Variants in HS3ST5 observed in about 807,000 individuals in gnomAD.
HS3ST5 encodes the protein heparan sulfate glucosamine 3-O-sulfotransferase 5.
HS3ST5 carries 10 observed loss-of-function variants against 25.4 expected under a neutral mutation model. That is an observed-to-expected ratio of 0.39 (90% confidence interval 0.24 to 0.67). The LOEUF is 0.67. Among genes scored for constraint, HS3ST5 ranks in the 30% least tolerant of loss-of-function variants. The pLI is 0.44. For missense variants in HS3ST5, 324 were observed against 420.7 expected, an observed-to-expected ratio of 0.77 and a Z score of 2.01; for synonymous variants, 170 against 162.4, an observed-to-expected ratio of 1.05 and a Z score of -0.36.
intron 2 of HS3ST5, among the ~76,000 whole-genome samples, chr6:114,202,183 G>A (rs551716361): frequency 2.6e-5 from 4 of 152,264 alleles, no homozygotes; most frequent in African/African-American, 9.6e-5. Context: ...CACTTTGAGA[G>A]GTTGAGGAGC....
intron 2 of HS3ST5, among the ~76,000 whole-genome samples, chr6:114,192,888 T>C (rs1780569698): frequency 6.6e-6 from 1 of 152,208 alleles, no homozygotes; most frequent in East Asian, 1.9e-4. Flanking sequence ...CAACAGAAAG[T>C]GATTTTACTA....
chr6:114,107,439 A>G (rs192003217), intron 3 of HS3ST5, among the ~76,000 whole-genome samples: 4 of 152,294 alleles, frequency 2.6e-5, no homozygotes. Context: ...CATCATACTT[A>G]ATAAGACTTA....
intron 2 of HS3ST5, among the ~76,000 whole-genome samples, chr6:114,174,910 T>C (rs1028255950): frequency 1.3e-5 from 2 of 152,116 alleles, no homozygotes; most frequent in Non-Finnish European, 2.9e-5. Context: ...GGAGGATTGC[T>C]TGAACCCGGG....
intron 1 of HS3ST5, among the ~76,000 whole-genome samples, chr6:114,310,142 A>G (rs1775466458): frequency 6.6e-6 from 1 of 152,212 alleles, no homozygotes; most frequent in Non-Finnish European, 1.5e-5. Flanking sequence ...TCCTCACAGA[A>G]GACTTAGATT....
chr6:114,092,901 C>G (rs2114798355), intron 3 of HS3ST5, among the ~76,000 whole-genome samples: 1 of 152,188 alleles, frequency 6.6e-6, no homozygotes, highest in East Asian at 1.9e-4. Context: ...TCTCGAACTC[C>G]TGACCTCAGG....
In HS3ST5 at chr6:114,095,403, TA is replaced by T. The variant is rs1775369231; in HGVS notation, c.-32-32527del. ...CCCGTCAAACTAGTGAAGTTCAAAC[TA>T]CACAACCCATGCCTTTCTTCAGGGC... On this transcript the variant is annotated intron_variant, in intron 3 of 4. Coordinates refer to ENST00000312719, the MANE Select transcript of HS3ST5 (RefSeq NM_153612.4). Among the ~76,000 whole-genome samples the T allele has an allele frequency of 2.0e-5, 3 of 152,156 alleles. No individual in the cohort carries two copies. The South Asian group carries it at 6.2e-4, about 31-fold the overall frequency.
intron 3 of HS3ST5, among the ~76,000 whole-genome samples, chr6:114,133,432 A>G (rs1360938963): frequency 6.6e-6 from 1 of 152,174 alleles, no homozygotes; most frequent in African/African-American, 2.4e-5. Context: ...TTGTGTGTGC[A>G]CGTATATACA....
chr6:114,175,144 C>A (rs1469633938), intron 2 of HS3ST5, among the ~76,000 whole-genome samples: 2 of 152,038 alleles, frequency 1.3e-5, no homozygotes, highest in African/African-American at 2.4e-5. Flanking sequence ...TTTATAAAAT[C>A]CAATGTATAA....
intron 1 of HS3ST5, among the ~76,000 whole-genome samples, chr6:114,241,614 T>C (rs1772132266): frequency 6.6e-6 from 1 of 152,196 alleles, no homozygotes; most frequent in African/African-American, 2.4e-5. Context: ...CTTTGCTATA[T>C]TGGTTTTGCA....
chr6:114,313,468 T>C (rs1281663935), intron 1 of HS3ST5, among the ~76,000 whole-genome samples: 1 of 152,114 alleles, frequency 6.6e-6, no homozygotes, highest in African/African-American at 2.4e-5. Context: ...GGATAAAGAG[T>C]TGTGGTATGT....
intron 1 of HS3ST5, among the ~76,000 whole-genome samples, chr6:114,313,672 A>AT (rs965658057): frequency 2.0e-5 from 3 of 152,352 alleles, no homozygotes; most frequent in African/African-American, 7.2e-5. Context: ...TTGCCTGCAA[A>AT]TATACAGGAG....
intron 2 of HS3ST5, among the ~76,000 whole-genome samples, chr6:114,212,180 T>C (rs1194109059): frequency 6.6e-6 from 1 of 152,212 alleles, no homozygotes; most frequent in East Asian, 1.9e-4. Flanking sequence ...AATAGGATCA[T>C]TATCACCACA....
At chr6:114,078,593 A>T (rs773108780) in intron 3 of HS3ST5, among the ~76,000 whole-genome samples, 3 of 152,244 alleles carry the variant, frequency 2.0e-5, no homozygotes, top group Non-Finnish European at 4.4e-5. Flanking sequence ...CAACAAAAAT[A>T]TAAGAGACAC....
At chr6:114,175,648 G>A in intron 2 of HS3ST5, among the ~76,000 whole-genome samples, 1 of 152,288 alleles carries the variant, frequency 6.6e-6, no homozygotes, top group Admixed American at 6.5e-5. Context: ...AGGAGGAAGA[G>A]AAGAAGCTAC....
At chr6:114,233,378 A>G (rs1466508552) in intron 1 of HS3ST5, among the ~76,000 whole-genome samples, 1 of 151,502 alleles carries the variant, frequency 6.6e-6, no homozygotes, top group Non-Finnish European at 1.5e-5. Flanking sequence ...CTTGAAGTTG[A>G]TTCTCTCTCT....
At chr6:114,269,180 T>A (rs908405366) in intron 1 of HS3ST5, among the ~76,000 whole-genome samples, 2 of 152,214 alleles carry the variant, frequency 1.3e-5, no homozygotes, top group African/African-American at 2.4e-5. Context: ...TATTATCTCA[T>A]ATAACCCCAC....
chr6:114,264,271 T>C, intron 1 of HS3ST5, among the ~76,000 whole-genome samples: 1 of 152,326 alleles, frequency 6.6e-6, no homozygotes, highest in South Asian at 2.1e-4. Context: ...AGCTCAATGA[T>C]GAAAAACATG....
At chr6:114,141,462 A>G (rs1777895670) in intron 3 of HS3ST5, among the ~76,000 whole-genome samples, 1 of 152,222 alleles carries the variant, frequency 6.6e-6, no homozygotes, top group African/African-American at 2.4e-5. Context: ...AAAGTTCCAT[A>G]AGGGGAGAAA....
At chr6:114,259,260 AG>A (rs1232918621) in intron 1 of HS3ST5, among the ~76,000 whole-genome samples, 2 of 152,234 alleles carry the variant, frequency 1.3e-5, no homozygotes, top group African/African-American at 4.8e-5. Context: ...CATTTCACAT[AG>A]GATTTCTCAG....
Sources: gnomAD v4.1 joint callset for allele counts (sites outside exome capture counted in the v4.1 genomes callset) on GRCh38, gnomAD v4.1.1 for gene constraint, MANE v1.5 for transcripts, NCBI Gene and HGNC (gene_info 2026-07-23, HGNC 2026-07-21) for gene names.